The following GNLY variants were observed in gnomAD, a reference collection of about 807,000 sequenced individuals.
GNLY encodes granulysin, also known as T-cell activation protein 519.
A neutral mutation model predicts 18.5 loss-of-function variants in GNLY; 15 were observed. The observed-to-expected ratio is 0.81, with a 90% CI of 0.54 to 1.25. The LOEUF is 1.25. GNLY is among the 50% of genes most tolerant of loss of function. The pLI, the probability that GNLY is intolerant of heterozygous loss-of-function variation, is 0.00. For missense variants in GNLY, 178 were observed against 186.9 expected (o/e 0.95, Z 0.28); for synonymous variants, 77 against 74.9 (o/e 1.03, Z -0.14).
chr2:85,698,792 T>G lies in GNLY; in HGVS notation c.*218T>G, dbSNP rs1573497781. The G allele has an allele frequency of 2.0e-6, 3 of 1,496,934 alleles. No individual in the cohort carries two copies. Among genetic ancestry groups the G allele is most frequent in the Non-Finnish European group, 1.8e-6 (2 of 1,124,834 alleles). 92.7% of individuals were successfully genotyped at this position (1,496,934 alleles called of 1,614,324 possible). A position where few individuals can be genotyped will look rare whatever the true frequency, so the allele number is the denominator to read the frequency against. ...TTCTTTGGTGGATTTGAGGGGTGGG[T>G]GTCAGTGGCATGCTGGGGTGAGCTG... is the stretch of plus-strand genomic sequence containing the variant. On this transcript the variant is annotated 3_prime_UTR_variant, in exon 5 of 5. Coordinates refer to ENST00000263863, the MANE Select transcript of GNLY (RefSeq NM_006433.5).
At chr2:85,698,389 C>A (rs1678542682) in intron 4 of GNLY, 175 bp from the exon 5 acceptor site, 3 of 984,294 alleles carry the variant, frequency 3.0e-6, no homozygotes, top group Non-Finnish European at 4.8e-6. Context: ...TGTGGCTTTT[C>A]TATTCAAGGC....
chr2:85,698,837 T>C lies in GNLY; in HGVS notation c.*263T>C. ...GAGCTGTGTAGTCCTTCAATAAATG[T>C]CTGTCGTGTGTCCCATACACTGTTG... On this transcript the variant is annotated 3_prime_UTR_variant, in exon 5 of 5. Coordinates refer to ENST00000263863, the MANE Select transcript of GNLY (RefSeq NM_006433.5). 1 of 1,427,142 alleles carries C rather than the reference T, an allele frequency of 7.0e-7. No homozygotes were observed. Among genetic ancestry groups the C allele is most frequent in the Non-Finnish European group, 9.2e-7 (1 of 1,089,662 alleles). The allele number at this position is 1,427,142 out of a possible 1,614,324, so 88.4% of individuals were successfully genotyped here.
chr2:85,698,718 C>A lies in GNLY; in HGVS notation c.*144C>A. On this transcript the variant is annotated 3_prime_UTR_variant, in exon 5 of 5. Coordinates refer to ENST00000263863, the MANE Select transcript of GNLY (RefSeq NM_006433.5). The stretch of plus-strand genomic sequence containing the variant: ...CCCCTGACTCCCTCTGCTGTCCTCC[C>A]CTCTCACGAGAATAAAGTGTCAAGC... 2 of 1,572,886 alleles carry A rather than the reference C, an allele frequency of 1.3e-6. No homozygotes were observed. Among genetic ancestry groups the A allele is most frequent in the South Asian group, 1.1e-5 (1 of 87,940 alleles).
In GNLY at chr2:85,695,098, C is replaced by T. The variant is rs1297246683; in HGVS notation, c.53-222C>T. On this transcript the variant is annotated intron_variant, in intron 1 of 4. Transcript: ENST00000263863. ...GGGAACAGAGGAGAAGAGAGAGTCT[C>T]GCCCTCCTGGCTTTCTAGAAGGAAC... 19 of 1,188,824 alleles carry T rather than the reference C, an allele frequency of 1.6e-5. No homozygotes were observed. In the East Asian group the frequency reaches 2.0e-4, roughly 13 times the overall value. The allele number at this position is 1,188,824 out of a possible 1,614,324, so 73.6% of individuals were successfully genotyped here. A position where few individuals can be genotyped will look rare whatever the true frequency, so the allele number is the denominator to read the frequency against.
At chr2:85,696,538 C>CTT (rs35724532) in intron 3 of GNLY, 4,450 of 144,708 alleles carry the variant, frequency 0.031, 81 homozygotes, top group Non-Finnish European at 0.035. Flanking sequence ...TTGTCAAACC[C>CTT]TTTTTTTTTT....
chr2:85,698,170 GC>G (rs908554206), intron 4 of GNLY, among the ~76,000 whole-genome samples: 4 of 152,216 alleles, frequency 2.6e-5, no homozygotes, highest in Non-Finnish European at 5.9e-5. Context: ...TGAGATCTGG[GC>G]TAGGGAACCC....
chr2:85,696,275 TATAC>T, intron 3 of GNLY: 2 of 524,800 alleles, frequency 3.8e-6, no homozygotes, highest in Non-Finnish European at 6.8e-6. Context: ...GACGGCAGAG[TATAC>T]ATGGTTTTCA....
chr2:85,697,729 C>T, intron 4 of GNLY, 52 bp downstream of exon 4: 1 of 1,299,302 alleles, frequency 7.7e-7, no homozygotes, highest in East Asian at 2.3e-5. Flanking sequence ...GAGACAGCTT[C>T]CCCCAGGATA....
intron 1 of GNLY, chr2:85,694,866 T>C: frequency 1.3e-6 from 2 of 1,536,060 alleles, no homozygotes; most frequent in Non-Finnish European, 1.7e-6. Context: ...ACAAGATCTC[T>C]TCTGTGTTCA....
At chr2:85,698,464 C>T in intron 4 of GNLY, 100 bp from the exon 5 acceptor site, 2 of 1,603,404 alleles carry the variant, frequency 1.2e-6, no homozygotes, top group South Asian at 1.1e-5. Context: ...TCAGTAGGGT[C>T]AGGTGGCTCT....
chr2:85,698,383 G>T, intron 4 of GNLY, 181 bp from the exon 5 acceptor site: 1 of 930,274 alleles, frequency 1.1e-6, no homozygotes, highest in Non-Finnish European at 1.7e-6. Flanking sequence ...GGAGCTTGTG[G>T]CTTTTCTATT....
intron 1 of GNLY, 110 bp from the exon 2 acceptor site, chr2:85,695,210 C>T (rs1678393034): frequency 1.1e-6 from 1 of 872,552 alleles, no homozygotes; most frequent in Non-Finnish European, 1.9e-6. Context: ...CTGCAAGGCC[C>T]AGCTCCTGTC....
In GNLY at chr2:85,697,588, G is replaced by A. The variant is rs770117293; in HGVS notation, c.338G>A (p.Arg113Lys). ...GACGTCTGCAGAAATTTCATGAGGAGGTATCAGTCTAGAGTTACCCAGGGC... is the reference window on the plus strand; with the variant it reads ...GACGTCTGCAGAAATTTCATGAGGAAGTATCAGTCTAGAGTTACCCAGGGC... ...WRDVCRNFMR[R>K]YQSRVTQGLV... The change falls in exon 4 of 5, where the codon AGG becomes AAG. Residue 113 changes from arginine (R) to lysine (K), a missense_variant. Coordinates refer to ENST00000263863, the MANE Select transcript of GNLY (RefSeq NM_006433.5). 7 of 1,613,214 alleles carry A rather than the reference G, an allele frequency of 4.3e-6. No individual in the cohort carries two copies. The East Asian group carries it at 6.7e-5, about 15-fold the overall frequency.
chr2:85,695,109 C>T (rs1678389440), intron 1 of GNLY: 2 of 1,119,570 alleles, frequency 1.8e-6, no homozygotes, highest in East Asian at 2.6e-5. Context: ...GCCCTCCTGG[C>T]TTTCTAGAAG....
intron 3 of GNLY, chr2:85,697,246 G>A (rs1558589071): frequency 2.2e-6 from 1 of 458,248 alleles, no homozygotes; most frequent in East Asian, 4.0e-5. Context: ...GAAGGCAGGG[G>A]ACAGGTGCAC....
In GNLY at chr2:85,695,419, C is replaced by T. The variant is rs141055775; in HGVS notation, c.152C>T (p.Pro51Leu). 1.3e-4 allele frequency: 213 copies of T among 1,588,222 alleles called. No homozygotes were observed. Among genetic ancestry groups the T allele is most frequent in the Non-Finnish European group, 1.8e-4 (209 of 1,156,574 alleles). ...KSCPCLAQEG[P>L]QGDLLTKTQE... Reference sequence around the variant, plus strand: ...TGCCCGTGCCTGGCCCAGGAGGGCCCCCAGGTACGTGTTGGCTCTCTGCTC... The same window carrying T: ...TGCCCGTGCCTGGCCCAGGAGGGCCTCCAGGTACGTGTTGGCTCTCTGCTC... Residue 51 changes from proline (P) to leucine (L), a missense_variant, in exon 2 of 5, where the codon CCC (proline) becomes CTC (leucine). Pro to Leu is a moderately conservative substitution (Grantham distance 98). Coordinates refer to ENST00000263863, the MANE Select transcript of GNLY (RefSeq NM_006433.5).
At chr2:85,697,867 G>A (rs1678522676) in intron 4 of GNLY, among the ~76,000 whole-genome samples, 190 bp downstream of exon 4, 1 of 152,348 alleles carries the variant, frequency 6.6e-6, no homozygotes, top group South Asian at 2.1e-4. Context: ...ACAGGTGGTC[G>A]TGGAGTAAAA....
chr2:85,697,391 G>A lies in GNLY; in HGVS notation c.256-115G>A, dbSNP rs934525779. 1.7e-5 allele frequency: 15 copies of A among 895,280 alleles called. No individual in the cohort carries two copies. The Admixed American group carries it at 2.3e-4, about 14-fold the overall frequency. The allele number at this position is 895,280 out of a possible 1,614,324, so 55.5% of individuals were successfully genotyped here. Reference sequence around the variant, plus strand: ...CAGTCTCTGGCCCCATGGGCACCAGGTGCCAGCTCCTCGCACCCAGTACTC... The same window carrying A: ...CAGTCTCTGGCCCCATGGGCACCAGATGCCAGCTCCTCGCACCCAGTACTC... On this transcript the variant is annotated intron_variant, in intron 3 of 4. Transcript: ENST00000263863.
chr2:85,695,387 G>A lies in GNLY; in HGVS notation c.120G>A (p.Glu40=). The A allele has an allele frequency of 6.2e-7, 1 of 1,613,692 alleles. No homozygotes were observed. Among genetic ancestry groups the A allele is most frequent in the Non-Finnish European group, 8.5e-7 (1 of 1,179,546 alleles). Residue 40 remains glutamate (E), a synonymous_variant, in exon 2 of 5, where the codon GAG becomes GAA. Coordinates refer to ENST00000263863, the MANE Select transcript of GNLY (RefSeq NM_006433.5). ...CAAGAGCCCACCTGCGTGATGAGGA[G>A]AAATCCTGCCCGTGCCTGGCCCAGG... ...DLARAHLRDE[E]KSCPCLAQEG...
Sources: allele counts gnomAD v4.1 joint callset (sites outside exome capture counted in the v4.1 genomes callset), GRCh38; gene constraint gnomAD v4.1.1; transcripts MANE v1.5; gene names NCBI Gene and HGNC (gene_info 2026-07-23, HGNC 2026-07-21).